UHMK1: variants seen among roughly 807,000 people sequenced by gnomAD.
UHMK1 encodes serine/threonine-protein kinase Kist.
UHMK1 carries 18 observed loss-of-function variants against 44.0 expected under a neutral mutation model. The observed-to-expected ratio is 0.41, with a 90% CI of 0.28 to 0.61. UHMK1 has a LOEUF of 0.61. Ranked by LOEUF, UHMK1 falls within the 20% of genes least tolerant of loss-of-function variation. The probability of loss-of-function intolerance (pLI) is 0.31; values close to 1 mark genes in which losing one functional copy is unlikely to be tolerated. For synonymous variants in UHMK1, 231 were observed against 198.5 expected (o/e 1.16, Z -1.38); for missense variants, 463 against 522.5 (o/e 0.89, Z 1.11).
chr1:162,510,905 A>G (rs1264593318), intron 4 of UHMK1, among the ~76,000 whole-genome samples: 2 of 151,886 alleles, frequency 1.3e-5, no homozygotes, highest in Non-Finnish European at 2.9e-5. Context: ...TAATGGCTTT[A>G]CTAATTTATA....
intron 4 of UHMK1, among the ~76,000 whole-genome samples, chr1:162,509,288 C>G (rs750171369): frequency 5.3e-5 from 8 of 152,094 alleles, no homozygotes; most frequent in Non-Finnish European, 7.4e-5. Flanking sequence ...TCCCCTCATC[C>G]TGCTCAATTT....
rs542235628 is a variant in UHMK1 at position 162,504,935 on chromosome 1, C to T, written c.848+1087C>T. On this transcript the variant is annotated intron_variant, in intron 4 of 7. Transcript: ENST00000489294. ...AATTACAGGTGCATGCCACCATGCC[C>T]GGCTAATTTTTGTATTTTTAGTAGA... is the stretch of plus-strand genomic sequence containing the variant. Among the ~76,000 whole-genome samples, 12 of 151,956 alleles carry T rather than the reference C, an allele frequency of 7.9e-5. No homozygotes were observed. The South Asian group carries it at 1.0e-3, about 13-fold the overall frequency.
In UHMK1 at chr1:162,522,618, A is replaced by C. The variant is rs1571021570; in HGVS notation, c.*68A>C. The C allele has an allele frequency of 6.7e-7, 1 of 1,494,786 alleles. No homozygotes were observed. The highest frequency in any genetic ancestry group is 2.3e-5 in the East Asian group (1 of 44,124). The allele number at this position is 1,494,786 out of a possible 1,614,324, so 92.6% of individuals were successfully genotyped here. Reference sequence around the variant, plus strand: ...CTTGGGTTATTCCACATATGAATGCAGGACTACCCCCTTACCATTTTAAGA... The same window carrying C: ...CTTGGGTTATTCCACATATGAATGCCGGACTACCCCCTTACCATTTTAAGA... On this transcript the variant is annotated 3_prime_UTR_variant, in exon 8 of 8. Transcript: ENST00000489294.
chr1:162,497,765 A>T, upstream of UHMK1: 331 of 1,084,840 alleles, frequency 3.1e-4, no homozygotes, highest in Non-Finnish European at 3.7e-4. Flanking sequence ...GCCCCTTCTG[A>T]GCCCCCCCTC....
In UHMK1 at chr1:162,500,038, G is replaced by C; in HGVS notation, c.352G>C (p.Val118Leu). Reference sequence around the variant, plus strand: ...GTTGCTTGAACTCCTGGATGTCAGTGTTTCGGAATTGCTCTTATATTCCAG... The same window carrying C: ...GTTGCTTGAACTCCTGGATGTCAGTCTTTCGGAATTGCTCTTATATTCCAG... Reference protein sequence around the residue: ...CLLLELLDVSVSELLLYSSHQ... With the variant: ...CLLLELLDVSLSELLLYSSHQ... The change falls in exon 2 of 8, where the codon GTT (valine) becomes CTT (leucine). Residue 118 changes from valine (V) to leucine (L), a missense_variant. Physicochemically the swap from Val to Leu is conservative, Grantham distance 32. Around this residue, in one of 3 missense-constraint regions of UHMK1, gnomAD observed 191 missense variants for 176.0 expected, o/e 1.09. Transcript: ENST00000489294. 12 of 1,614,206 alleles carry C rather than the reference G, an allele frequency of 7.4e-6. No individual in the cohort carries two copies. Among genetic ancestry groups the C allele is most frequent in the Non-Finnish European group, 8.5e-6 (10 of 1,180,050 alleles).
chr1:162,500,287 G>A, intron 2 of UHMK1, 40 bp downstream of exon 2: 1 of 1,581,080 alleles, frequency 6.3e-7, no homozygotes, highest in Non-Finnish European at 8.6e-7. Flanking sequence ...AGTTTAAAAT[G>A]TAGTGGTTGA....
At chr1:162,500,856 A>T in intron 2 of UHMK1, 57 bp from the exon 3 acceptor site, 2 of 1,525,542 alleles carry the variant, frequency 1.3e-6, no homozygotes, top group Admixed American at 1.8e-5. Flanking sequence ...CACTGTAGAG[A>T]TGGATAGAAA....
At chr1:162,514,377 A>G (rs1483457108) in intron 6 of UHMK1, among the ~76,000 whole-genome samples, 3 of 152,192 alleles carry the variant, frequency 2.0e-5, no homozygotes, top group Non-Finnish European at 2.9e-5. Context: ...GAAGGAAACT[A>G]TAGTTTCCTC....
intron 7 of UHMK1, among the ~76,000 whole-genome samples, chr1:162,521,319 A>G (rs1324429395): frequency 6.6e-6 from 1 of 152,206 alleles, no homozygotes; most frequent in Non-Finnish European, 1.5e-5. Flanking sequence ...TATCTGAAGC[A>G]AGGAGTATGA....
chr1:162,526,907 C>T lies in UHMK1; in HGVS notation c.*4357C>T, dbSNP rs1652268739. ...AATTTCATTTCTTGTCAATTATGGT[C>T]ACATATAGACAAGTACTTGGTCACA... On this transcript the variant is annotated 3_prime_UTR_variant, in exon 8 of 8. Transcript: ENST00000489294. 1 of 152,022 alleles carries T rather than the reference C, an allele frequency of 6.6e-6. No individual in the cohort carries two copies. The allele number at this position is 152,022 out of a possible 1,614,324, so 9.4% of individuals were successfully genotyped here. A position where few individuals can be genotyped will look rare whatever the true frequency, so the allele number is the denominator to read the frequency against.
chr1:162,511,636 C>G (rs2101678618), intron 4 of UHMK1, among the ~76,000 whole-genome samples: 1 of 152,206 alleles, frequency 6.6e-6, no homozygotes, highest in Middle Eastern at 3.4e-3. Flanking sequence ...GTTTTTGTTG[C>G]TTGTGCTGTT....
chr1:162,500,948 T>A lies in UHMK1; in HGVS notation c.597T>A (p.Ala199=). Residue 199 remains alanine, a synonymous_variant, in exon 3 of 8, where the codon GCT becomes GCA. Transcript: ENST00000489294. ...VKYIQTDGYR[A]PEAELQNCLA... ...ATATTCAGACAGACGGGTATCGGGC[T>A]CCAGAAGCAGAATTGCAAAATTGCT... 1.2e-6 allele frequency: 2 copies of A among 1,614,118 alleles called. No individual in the cohort carries two copies. The highest frequency in any genetic ancestry group is 1.7e-6 in the Non-Finnish European group (2 of 1,180,010).
chr1:162,515,203 C>A lies in UHMK1; in HGVS notation c.1024+2380C>A, dbSNP rs139575777. 9.9e-5 allele frequency among the ~76,000 whole-genome samples: 15 copies of A among 152,118 alleles called. No individual in the cohort carries two copies. In the East Asian group the frequency reaches 2.9e-3, roughly 29 times the overall value. ...GTTTCCTTTTCCTTTTACTTTGTTT[C>A]TTGTTCTCTGGCTTAACACTTACTT... On this transcript the variant is annotated intron_variant, in intron 6 of 7. Transcript: ENST00000489294.
intron 1 of UHMK1, 35 bp downstream of exon 1, chr1:162,498,303 G>T (rs201564368): frequency 1.5e-4 from 237 of 1,551,206 alleles, no homozygotes; most frequent in Non-Finnish European, 2.0e-4. Context: ...TTCTTGCCCA[G>T]GTCACAGTCC....
At chr1:162,510,496 G>T (rs894078643) in intron 4 of UHMK1, among the ~76,000 whole-genome samples, 4 of 152,052 alleles carry the variant, frequency 2.6e-5, no homozygotes, top group Non-Finnish European at 5.9e-5. Context: ...TCTGGACCTG[G>T]CTTATTATAA....
rs1318720338 is a variant in UHMK1 at position 162,522,624 on chromosome 1, A to G, written c.*74A>G. 3 of 1,452,394 alleles carry G rather than the reference A, an allele frequency of 2.1e-6. No individual in the cohort carries two copies. Among genetic ancestry groups the G allele is most frequent in the Non-Finnish European group, 2.8e-6 (3 of 1,064,798 alleles). 90.0% of individuals were successfully genotyped at this position (1,452,394 alleles called of 1,614,324 possible). A position where few individuals can be genotyped will look rare whatever the true frequency, so the allele number is the denominator to read the frequency against. On this transcript the variant is annotated 3_prime_UTR_variant, in exon 8 of 8. Coordinates refer to ENST00000489294, the MANE Select transcript of UHMK1 (RefSeq NM_175866.5). ...TTATTCCACATATGAATGCAGGACT[A>G]CCCCCTTACCATTTTAAGAAGGTAC...
At position 162,522,482 on chromosome 1, in the gene UHMK1, T is replaced by G; in HGVS notation, c.1192T>G (p.Phe398Val). 1 of 1,614,198 alleles carries G rather than the reference T, an allele frequency of 6.2e-7. No individual in the cohort carries two copies. The highest frequency in any genetic ancestry group is 8.5e-7 in the Non-Finnish European group (1 of 1,180,030). ...GACTGGAAGGATGTTTGATGGGAAG[T>G]TTGTTGTGGCTACATTCTACCCGCT... ...LLTGRMFDGK[F>V]VVATFYPLSA... The change falls in exon 8 of 8, where the codon TTT becomes GTT. Residue 398 changes from phenylalanine to valine, a missense_variant. Phe to Val is a conservative substitution (Grantham distance 50). Coordinates refer to ENST00000489294, the MANE Select transcript of UHMK1 (RefSeq NM_175866.5).
intron 4 of UHMK1, among the ~76,000 whole-genome samples, chr1:162,511,111 CTT>C (rs1162809993): frequency 6.7e-6 from 1 of 150,118 alleles, no homozygotes; most frequent in Non-Finnish European, 1.5e-5. Flanking sequence ...TTGTTCAGGT[CTT>C]TTGCCCATTT....
Position 162,523,604 on chromosome 1 carries a change from G to T in UHMK1, c.*1054G>T, listed in dbSNP as rs1396447803. On this transcript the variant is annotated 3_prime_UTR_variant, in exon 8 of 8. Coordinates refer to ENST00000489294, the MANE Select transcript of UHMK1 (RefSeq NM_175866.5). ...CCTACTATGATGAAAATTGAAGTGG[G>T]TCAAAAGAATTAGATGTACAGTGAA... is the stretch of plus-strand genomic sequence containing the variant. 1 of 152,454 alleles carries T rather than the reference G, an allele frequency of 6.6e-6. No homozygotes were observed. Among genetic ancestry groups the T allele is most frequent in the Admixed American group, 6.6e-5 (1 of 15,250 alleles). 9.4% of individuals were successfully genotyped at this position (152,454 alleles called of 1,614,324 possible).
Sources: gnomAD v4.1 joint callset for allele counts (sites outside exome capture counted in the v4.1 genomes callset) on GRCh38, gnomAD v4.1.1 for gene constraint, gnomAD v4.1.1 regional missense constraint, MANE v1.5 for transcripts, NCBI Gene and HGNC (gene_info 2026-07-23, HGNC 2026-07-21) for gene names.